The following PBX3 variants were observed in gnomAD, a reference collection of about 807,000 sequenced individuals.
PBX3 encodes the protein PBX homeobox 3.
PBX3 carries 14 observed loss-of-function variants against 48.5 expected under a neutral mutation model. That is an observed-to-expected ratio of 0.29 (90% confidence interval 0.19 to 0.45). The LOEUF (loss-of-function observed/expected upper bound fraction) is 0.45. Ranked by LOEUF, PBX3 falls within the 20% of genes least tolerant of loss-of-function variation. The probability of loss-of-function intolerance (pLI) is 1.00; values close to 1 mark genes in which losing one functional copy is unlikely to be tolerated. For missense variants in PBX3, 386 were observed against 546.7 expected (o/e 0.71, Z 2.93); for synonymous variants, 210 against 200.3 (o/e 1.05, Z -0.41).
At chr9:125,958,545 A>G (rs1842358882) in intron 5 of PBX3, among the ~76,000 whole-genome samples, 1 of 152,220 alleles carries the variant, frequency 6.6e-6, no homozygotes, top group African/African-American at 2.4e-5. Context: ...TTCAGAATAA[A>G]GAGAACTATA....
chr9:125,748,498 A>G (rs371944585), intron 1 of PBX3, 52 bp from the exon 2 acceptor site: 5 of 1,590,440 alleles, frequency 3.1e-6, no homozygotes, highest in Admixed American at 1.7e-5. Flanking sequence ...AAGGCGCCAT[A>G]TTATTCCATA....
At chr9:125,946,844 C>A (rs1175997698) in intron 5 of PBX3, among the ~76,000 whole-genome samples, 1 of 152,028 alleles carries the variant, frequency 6.6e-6, no homozygotes, top group East Asian at 1.9e-4. Context: ...ATAGCAAATT[C>A]CAAGCCCTAG....
chr9:125,790,493 A>T (rs1046635618), intron 2 of PBX3, among the ~76,000 whole-genome samples: 1 of 151,962 alleles, frequency 6.6e-6, no homozygotes, highest in Non-Finnish European at 1.5e-5. Context: ...AGCTCAGGCA[A>T]TCTGCTCGCC....
intron 5 of PBX3, among the ~76,000 whole-genome samples, chr9:125,949,921 C>T (rs1356777723): frequency 6.6e-6 from 1 of 152,166 alleles, no homozygotes; most frequent in African/African-American, 2.4e-5. Flanking sequence ...GAGATGGCTC[C>T]ACCTTTCAGT....
chr9:125,939,499 T>A (rs911186029), intron 5 of PBX3, among the ~76,000 whole-genome samples: 12 of 152,176 alleles, frequency 7.9e-5, no homozygotes, highest in Admixed American at 3.3e-4. Context: ...GTGGTAGGGA[T>A]GTAAATTGAT....
intron 5 of PBX3, among the ~76,000 whole-genome samples, chr9:125,953,783 T>TA (rs11369530): frequency 0.59 from 89,470 of 151,998 alleles, 29,397 homozygotes; most frequent in East Asian, 0.77. Context: ...TCTTTACGCA[T>TA]ACCCAGTATG....
At chr9:125,925,691 A>C (rs1841559939) in intron 3 of PBX3, among the ~76,000 whole-genome samples, 1 of 152,148 alleles carries the variant, frequency 6.6e-6, no homozygotes, top group Non-Finnish European at 1.5e-5. Flanking sequence ...ATATTGGGTT[A>C]AGTGAAATAT....
intron 2 of PBX3, among the ~76,000 whole-genome samples, chr9:125,860,575 A>G (rs998737728): frequency 1.3e-5 from 2 of 152,184 alleles, no homozygotes; most frequent in Non-Finnish European, 2.9e-5. Context: ...TTGTTCACAT[A>G]TTCTGGTGAG....
At chr9:125,787,740 A>G (rs371642475) in intron 2 of PBX3, among the ~76,000 whole-genome samples, 1 of 152,210 alleles carries the variant, frequency 6.6e-6, no homozygotes, top group Non-Finnish European at 1.5e-5. Context: ...GTTTGGTTTA[A>G]TTAAATTGAG....
intron 2 of PBX3, among the ~76,000 whole-genome samples, chr9:125,861,299 C>A (rs10986992): frequency 1.4e-5 from 2 of 138,784 alleles, no homozygotes; most frequent in Admixed American, 7.9e-5. Flanking sequence ...ACCCTGTCTC[C>A]AAATAATAAT....
chr9:125,876,192 T>C (rs1840243152), intron 2 of PBX3, among the ~76,000 whole-genome samples: 1 of 152,248 alleles, frequency 6.6e-6, no homozygotes, highest in Admixed American at 6.5e-5. Flanking sequence ...TTATTTTTTG[T>C]ATCACTCATT....
At chr9:125,787,937 T>C (rs1031919622) in intron 2 of PBX3, among the ~76,000 whole-genome samples, 5 of 152,196 alleles carry the variant, frequency 3.3e-5, no homozygotes, top group Non-Finnish European at 7.3e-5. Context: ...ATTGGTGATT[T>C]ATTTATTTTT....
chr9:125,863,668 G>C (rs1346468022), intron 2 of PBX3, among the ~76,000 whole-genome samples: 1 of 152,120 alleles, frequency 6.6e-6, no homozygotes, highest in Non-Finnish European at 1.5e-5. Flanking sequence ...ATACATTGTG[G>C]GAAGATTAGA....
chr9:125,953,476 C>CAAA (rs35262454), intron 5 of PBX3, among the ~76,000 whole-genome samples: 38 of 144,900 alleles, frequency 2.6e-4, no homozygotes, highest in African/African-American at 6.4e-4. Flanking sequence ...GACCCTGTCT[C>CAAA]AAAAAAAAAA....
intron 2 of PBX3, among the ~76,000 whole-genome samples, chr9:125,780,631 CGGGCGGG>C (rs1266119165): frequency 1.8e-5 from 2 of 113,928 alleles, no homozygotes; most frequent in Non-Finnish European, 3.6e-5. Context: ...GGCGGCTGGC[CGGGCGGG>C]GGGCTGACCC....
intron 2 of PBX3, among the ~76,000 whole-genome samples, chr9:125,906,033 C>T (rs1473274118): frequency 6.6e-6 from 1 of 151,908 alleles, no homozygotes; most frequent in Non-Finnish European, 1.5e-5. Flanking sequence ...GTACTTACAG[C>T]AAAGTATAAA....
chr9:125,765,563 A>G (rs1195897269), intron 2 of PBX3, among the ~76,000 whole-genome samples: 2 of 152,236 alleles, frequency 1.3e-5, no homozygotes, highest in African/African-American at 4.8e-5. Flanking sequence ...TTGAAGGGAT[A>G]TGAGCACAAA....
intron 2 of PBX3, among the ~76,000 whole-genome samples, chr9:125,824,758 CAA>C (rs2132170299): frequency 6.6e-6 from 1 of 151,044 alleles, no homozygotes; most frequent in African/African-American, 2.4e-5. Flanking sequence ...TGGGGGACAA[CAA>C]AGTCTCCAGA....
At chr9:125,795,317 C>G (rs1373560414) in intron 2 of PBX3, among the ~76,000 whole-genome samples, 2 of 152,150 alleles carry the variant, frequency 1.3e-5, no homozygotes, top group African/African-American at 2.4e-5. Context: ...GTAATGTTTT[C>G]ACATATAGCA....
Sources: allele counts gnomAD v4.1 joint callset (sites outside exome capture counted in the v4.1 genomes callset), GRCh38; gene constraint gnomAD v4.1.1; transcripts MANE v1.5; gene names NCBI Gene and HGNC (gene_info 2026-07-23, HGNC 2026-07-21).